Variants in EBP observed in about 807,000 individuals in gnomAD.
EBP encodes the protein EBP cholestenol delta-isomerase.
EBP carries 1 observed loss-of-function variant against 14.1 expected under a neutral mutation model. The observed-to-expected ratio is 0.07, with a 90% confidence interval of 0.03 to 0.34. The LOEUF is 0.34. EBP is among the 10% of genes least tolerant of loss of function. The probability of loss-of-function intolerance (pLI) is 0.99; values close to 1 mark genes in which losing one functional copy is unlikely to be tolerated. For missense variants in EBP, 123 were observed against 184.6 expected (o/e 0.67, Z 1.93); for synonymous variants, 72 against 77.7 (o/e 0.93, Z 0.38).
At chrX:48,527,347 A>C in intron 4 of EBP, 62 bp downstream of exon 4, 2 of 1,202,954 alleles carry the variant, frequency 1.7e-6, no homozygotes, top group Non-Finnish European at 2.2e-6. Context: ...ATCCACAGAC[A>C]CAGATGTATC....
intron 2 of EBP, 137 bp from the exon 3 acceptor site, chrX:48,526,852 T>C: frequency 4.4e-6 from 3 of 680,520 alleles, no homozygotes; most frequent in Non-Finnish European, 7.2e-6. Context: ...TCCAAACAGT[T>C]ACCCCATTTC....
At position 48,526,983 on chromosome X, in the gene EBP, C is replaced by G; in HGVS notation, c.302-6C>G. On this transcript the variant is annotated splice_region_variant and splice_polypyrimidine_tract_variant and intron_variant, in intron 2 of 4. Coordinates refer to ENST00000495186, the MANE Select transcript of EBP (RefSeq NM_006579.3). Reference sequence around the variant, plus strand: ...ATTCTTCATATCTCTCTCTTCTTTTCTTCAGGGAAAGAGTATGCCAAGGGA... The same window carrying G: ...ATTCTTCATATCTCTCTCTTCTTTTGTTCAGGGAAAGAGTATGCCAAGGGA... 1 of 1,211,465 alleles carries G rather than the reference C, an allele frequency of 8.3e-7. No homozygotes were observed. Among genetic ancestry groups the G allele is most frequent in the Non-Finnish European group, 1.1e-6 (1 of 895,118 alleles).
At chrX:48,526,734 C>T (rs1449921917) in intron 2 of EBP, 2 of 427,842 alleles carry the variant, frequency 4.7e-6, no homozygotes, top group African/African-American at 4.9e-5. Flanking sequence ...TCATCTACAC[C>T]TGCTTCCTTT....
At chrX:48,525,680 C>CT (rs2061776741) in intron 2 of EBP, among the ~76,000 whole-genome samples, 2 of 109,706 alleles carry the variant, frequency 1.8e-5, no homozygotes, top group Admixed American at 2.0e-4. Context: ...CACCCAGCTG[C>CT]TTTTTTTAAT....
chrX:48,527,493 C>A, intron 4 of EBP: 1 of 559,490 alleles, frequency 1.8e-6, no homozygotes, highest in South Asian at 3.1e-5. Context: ...TTTTCTTCCT[C>A]CTCCTCCTTC....
intron 4 of EBP, 134 bp from the exon 5 acceptor site, chrX:48,528,100 T>A: frequency 1.9e-6 from 1 of 535,104 alleles, no homozygotes; most frequent in South Asian, 3.2e-5. Context: ...TTTCTCAGAT[T>A]TTCAGCTCTG....
At chrX:48,526,705 G>A (rs782748874) in intron 2 of EBP, 18 of 392,159 alleles carry the variant, frequency 4.6e-5, no homozygotes, top group Non-Finnish European at 6.7e-5. Context: ...CTCTCTCATT[G>A]GCTACTTCAC....
intron 4 of EBP, chrX:48,527,686 A>C: frequency 5.8e-6 from 1 of 171,516 alleles, no homozygotes; most frequent in Non-Finnish European, 1.1e-5. Context: ...GCTCACTGCA[A>C]CCTCCACCTC....
At chrX:48,525,916 G>A (rs944773965) in intron 2 of EBP, among the ~76,000 whole-genome samples, 9 of 107,898 alleles carry the variant, frequency 8.3e-5, no homozygotes, top group Non-Finnish European at 1.5e-4. Flanking sequence ...GTGAAACCCC[G>A]TCTCTACTAA....
chrX:48,522,977 T>TGTATTTTTAGTAGAGATGGGG (rs2147153871), intron 1 of EBP, among the ~76,000 whole-genome samples: 1 of 109,090 alleles, frequency 9.2e-6, no homozygotes, highest in Non-Finnish European at 1.9e-5. Flanking sequence ...CCGGCCTTCT[T>TGTATTTTTAGTAGAGATGGGG]TTTTAGAGGC....
chrX:48,528,557 G>A lies in EBP; in HGVS notation c.*100G>A. ...ACAGTTTGGAGGGACAAAGCTAATT[G>A]ATCTGTCACACTCAGGCTCATGGGC... On this transcript the variant is annotated 3_prime_UTR_variant, in exon 5 of 5. Transcript: ENST00000495186. 1 of 787,853 alleles carries A rather than the reference G, an allele frequency of 1.3e-6. No individual in the cohort carries two copies. Among genetic ancestry groups the A allele is most frequent in the East Asian group, 3.4e-5 (1 of 29,087 alleles). The allele number at this position is 787,853 out of a possible 1,213,427, so 64.9% of individuals were successfully genotyped here.
chrX:48,524,155 C>G, intron 2 of EBP, 83 bp downstream of exon 2: 2 of 899,597 alleles, frequency 2.2e-6, no homozygotes, highest in Non-Finnish European at 3.1e-6. Context: ...TCCACCTATT[C>G]TTCTTCCATT....
Position 48,524,080 on chromosome X carries a change from C to T in EBP, c.301+8C>T. ...CCTTCTTATCTCAACTCTGTGAGTCCTGATTTCTTTCATATGCTGTGGGAT... is the reference window on the plus strand; with the variant it reads ...CCTTCTTATCTCAACTCTGTGAGTCTTGATTTCTTTCATATGCTGTGGGAT... On this transcript the variant is annotated splice_region_variant and intron_variant, in intron 2 of 4. Coordinates refer to ENST00000495186, the MANE Select transcript of EBP (RefSeq NM_006579.3). 5.8e-6 allele frequency: 7 copies of T among 1,208,965 alleles called. No individual in the cohort carries two copies. Among genetic ancestry groups the T allele is most frequent in the Non-Finnish European group, 7.8e-6 (7 of 893,222 alleles).
intron 3 of EBP, 48 bp from the exon 4 acceptor site, chrX:48,527,107 T>C: frequency 1.7e-6 from 2 of 1,211,767 alleles, no homozygotes; most frequent in South Asian, 3.5e-5. Flanking sequence ...GGCTAACCTG[T>C]AGGAAGAGCA....
rs1234549675 is a variant in EBP at position 48,523,909 on chromosome X, A to G, written c.138A>G (p.Thr46=). The G allele has an allele frequency of 8.3e-7, 1 of 1,211,059 alleles. No homozygotes were observed. The highest frequency in any genetic ancestry group is 1.1e-6 in the Non-Finnish European group (1 of 895,359). The change falls in exon 2 of 5, where the codon ACA becomes ACG. Residue 46 remains threonine, a synonymous_variant. Coordinates refer to ENST00000495186, the MANE Select transcript of EBP (RefSeq NM_006579.3). ...FSVTGVLVVT[T]WLLSGRAAVV... is the part of the protein sequence containing the mutation. ...TCACAGGGGTCTTAGTCGTGACCAC[A>G]TGGCTGTTGTCAGGTCGTGCTGCGG...
intron 2 of EBP, among the ~76,000 whole-genome samples, chrX:48,526,023 G>A (rs1556977395): frequency 9.9e-6 from 1 of 100,652 alleles, no homozygotes; most frequent in African/African-American, 3.7e-5. Flanking sequence ...GGAGGCGGAG[G>A]TTGTGGTGAG....
intron 2 of EBP, among the ~76,000 whole-genome samples, chrX:48,525,689 A>G (rs1192062902): frequency 2.7e-5 from 3 of 109,744 alleles, no homozygotes; most frequent in African/African-American, 6.6e-5. Flanking sequence ...GCTTTTTTTA[A>G]TGAGGTCACT....
intron 4 of EBP, chrX:48,527,637 G>T: frequency 3.7e-6 from 1 of 266,825 alleles, no homozygotes; most frequent in Non-Finnish European, 6.8e-6. Context: ...ACAGGGTCTG[G>T]CTCTGTCACC....
At chrX:48,526,880 C>T (rs184427834) in intron 2 of EBP, 109 bp from the exon 3 acceptor site, 8 of 878,844 alleles carry the variant, frequency 9.1e-6, no homozygotes, top group Admixed American at 4.4e-5. Flanking sequence ...AGGAAGCAGA[C>T]GCATGGGAAG....
Sources: gnomAD v4.1 joint callset for allele counts (sites outside exome capture counted in the v4.1 genomes callset) on GRCh38, gnomAD v4.1.1 for gene constraint, MANE v1.5 for transcripts, NCBI Gene and HGNC (gene_info 2026-07-23, HGNC 2026-07-21) for gene names.